HECTD2: variants seen among roughly 807,000 people sequenced by gnomAD.
The protein encoded by HECTD2 is HECT domain E3 ubiquitin protein ligase 2.
HECTD2 carries 35 observed loss-of-function variants against 103.2 expected under a neutral mutation model. That is an observed-to-expected ratio of 0.34 (90% CI 0.26 to 0.45). HECTD2 has a LOEUF of 0.45. Ranked by LOEUF, HECTD2 falls within the 20% of genes least tolerant of loss-of-function variation. The pLI, the probability that HECTD2 is intolerant of heterozygous loss-of-function variation, is 1.00. For synonymous variants in HECTD2, 281 were observed against 329.9 expected (o/e 0.85, Z 1.61); for missense variants, 596 against 937.4 (o/e 0.64, Z 4.76).
intron 20 of HECTD2, among the ~76,000 whole-genome samples, chr10:91,503,581 A>T (rs1220962423): frequency 6.6e-6 from 1 of 152,146 alleles, no homozygotes; most frequent in Non-Finnish European, 1.5e-5. Flanking sequence ...GGCTTAAAAA[A>T]CGGTGCACCA....
intron 2 of HECTD2, among the ~76,000 whole-genome samples, chr10:91,444,134 C>G (rs765086930): frequency 2.0e-5 from 3 of 152,046 alleles, no homozygotes; most frequent in Non-Finnish European, 4.4e-5. Flanking sequence ...GCTTACTTAC[C>G]CTTTCTTATC....
At chr10:91,436,933 C>T (rs994385300) in intron 2 of HECTD2, among the ~76,000 whole-genome samples, 1 of 151,970 alleles carries the variant, frequency 6.6e-6, no homozygotes, top group Admixed American at 6.6e-5. Flanking sequence ...AAAACAACAA[C>T]AGAACCTTTT....
At chr10:91,458,794 A>G (rs1419041941) in intron 2 of HECTD2, among the ~76,000 whole-genome samples, 1 of 152,004 alleles carries the variant, frequency 6.6e-6, no homozygotes, top group Non-Finnish European at 1.5e-5. Context: ...AAAAAAAATG[A>G]AACGATCTTT....
chr10:91,438,163 A>G (rs9804186), intron 2 of HECTD2, among the ~76,000 whole-genome samples: 30,399 of 151,794 alleles, frequency 0.2, 7,231 homozygotes, highest in African/African-American at 0.58. Flanking sequence ...TACACGTGCA[A>G]TGGTGGTTGC....
chr10:91,493,619 T>C (rs1846556674), intron 14 of HECTD2, 111 bp downstream of exon 14: 1 of 567,666 alleles, frequency 1.8e-6, no homozygotes, highest in Non-Finnish European at 3.1e-6. Context: ...AATTAAATGT[T>C]ATTGTCAAAT....
chr10:91,498,777 G>T, intron 16 of HECTD2, 95 bp from the exon 17 acceptor site: 1 of 682,664 alleles, frequency 1.5e-6, no homozygotes, highest in Non-Finnish European at 2.5e-6. Context: ...AGAAGGAAGG[G>T]GGAAAAAAAC....
intron 6 of HECTD2, among the ~76,000 whole-genome samples, chr10:91,479,266 C>T (rs1354095983): frequency 6.6e-6 from 1 of 152,090 alleles, no homozygotes; most frequent in Non-Finnish European, 1.5e-5. Flanking sequence ...TTTTATATAT[C>T]TCAAAGATGG....
chr10:91,480,881 CAGTCTTT>C (rs1329754084), intron 6 of HECTD2, among the ~76,000 whole-genome samples: 2 of 151,944 alleles, frequency 1.3e-5, no homozygotes, highest in Non-Finnish European at 2.9e-5. Context: ...CTAGTTAGCT[CAGTCTTT>C]AGTTATCTTC....
intron 2 of HECTD2, among the ~76,000 whole-genome samples, chr10:91,453,317 G>A (rs561369730): frequency 6.6e-6 from 1 of 152,210 alleles, no homozygotes; most frequent in South Asian, 2.1e-4. Context: ...TGTAGTCCTA[G>A]CTACTCAGGA....
intron 1 of HECTD2, among the ~76,000 whole-genome samples, chr10:91,414,272 G>C (rs1401996922): frequency 6.6e-6 from 1 of 152,162 alleles, no homozygotes; most frequent in African/African-American, 2.4e-5. Context: ...GAATTTTAAA[G>C]GGATGTTAGC....
chr10:91,456,354 A>C (rs9732191), intron 2 of HECTD2, among the ~76,000 whole-genome samples: 1 of 151,856 alleles, frequency 6.6e-6, no homozygotes, highest in African/African-American at 2.4e-5. Flanking sequence ...ATGGGAGTTC[A>C]CTCATGATTT....
At chr10:91,431,694 C>T (rs1442929483) in intron 2 of HECTD2, among the ~76,000 whole-genome samples, 1 of 152,074 alleles carries the variant, frequency 6.6e-6, no homozygotes, top group African/African-American at 2.4e-5. Flanking sequence ...CTTCTGCATT[C>T]TTCACGTGGT....
At chr10:91,492,689 T>A (rs1846524517) in intron 13 of HECTD2, among the ~76,000 whole-genome samples, 1 of 152,198 alleles carries the variant, frequency 6.6e-6, no homozygotes, top group Non-Finnish European at 1.5e-5. Flanking sequence ...CTGGGAATCC[T>A]ACACAAAATG....
intron 9 of HECTD2, 70 bp downstream of exon 9, chr10:91,484,725 T>C (rs1275820279): frequency 5.7e-6 from 7 of 1,233,318 alleles, no homozygotes; most frequent in Non-Finnish European, 7.9e-6. Flanking sequence ...CTTAAGGATT[T>C]CAAAAGACTA....
Position 91,484,531 on chromosome 10 carries a change from A to G in HECTD2, c.846A>G (p.Gln282=), listed in dbSNP as rs767288953. ...GATTGTCCCAGAAGAGGTTCAAACA[A>G]TTGGTAGAGAGATTGCTGCAATTTA... ...FKKLSQKRFK[Q]LVERLLQFIS... The change falls in exon 9 of 21, where the codon CAA becomes CAG. Residue 282 remains glutamine, a synonymous_variant. Coordinates refer to ENST00000298068, the MANE Select transcript of HECTD2 (RefSeq NM_182765.6). 1.9e-6 allele frequency: 3 copies of G among 1,609,234 alleles called. No homozygotes were observed. Among genetic ancestry groups the G allele is most frequent in the Non-Finnish European group, 1.7e-6 (2 of 1,178,266 alleles).
intron 2 of HECTD2, among the ~76,000 whole-genome samples, chr10:91,437,569 G>A (rs1284371890): frequency 6.7e-6 from 1 of 150,142 alleles, no homozygotes; most frequent in Non-Finnish European, 1.5e-5. Flanking sequence ...ATAATGTACA[G>A]ACATAATGTA....
chr10:91,481,571 A>G (rs1283010676), intron 7 of HECTD2, among the ~76,000 whole-genome samples: 1 of 151,478 alleles, frequency 6.6e-6, no homozygotes, highest in Non-Finnish European at 1.5e-5. Flanking sequence ...CAATAACTTC[A>G]ATTAGAATTC....
intron 1 of HECTD2, among the ~76,000 whole-genome samples, chr10:91,412,855 G>T (rs79870737): frequency 6.6e-6 from 1 of 151,990 alleles, no homozygotes; most frequent in Non-Finnish European, 1.5e-5. Context: ...GAAGGCCTTG[G>T]TATGTGTGGG....
chr10:91,451,665 T>TA (rs1325757320), intron 2 of HECTD2, among the ~76,000 whole-genome samples: 1 of 152,216 alleles, frequency 6.6e-6, no homozygotes, highest in East Asian at 1.9e-4. Context: ...TGCTGTTGTA[T>TA]AAAAAAATTA....
Sources: gnomAD v4.1 joint callset for allele counts (sites outside exome capture counted in the v4.1 genomes callset) on GRCh38, gnomAD v4.1.1 for gene constraint, MANE v1.5 for transcripts, NCBI Gene and HGNC (gene_info 2026-07-23, HGNC 2026-07-21) for gene names.